The following ANO10 variants were observed in gnomAD, a reference collection of about 807,000 sequenced individuals.
ANO10 encodes anoctamin-10.
Under a neutral mutation model 74.7 loss-of-function variants are expected in ANO10, and 77 were observed. The ratio of observed to expected loss-of-function variants is 1.03; its 90% confidence interval spans 0.86 to 1.25. The LOEUF is 1.25. Ranked by LOEUF, ANO10 falls within the 50% of genes most tolerant of loss-of-function variation. The pLI is 0.00. For synonymous variants in ANO10, 279 were observed against 284.9 expected (o/e 0.98, Z 0.21); for missense variants, 721 against 778.1 (o/e 0.93, Z 0.87).
At chr3:43,684,912 C>G (rs1034015503) in intron 1 of ANO10, among the ~76,000 whole-genome samples, 1 of 152,098 alleles carries the variant, frequency 6.6e-6, no homozygotes. Context: ...AGGGGAACAT[C>G]ACACACCGGG....
chr3:43,384,729 G>A (rs949238314), intron 12 of ANO10, among the ~76,000 whole-genome samples: 4 of 152,190 alleles, frequency 2.6e-5, no homozygotes, highest in Non-Finnish European at 5.9e-5. Flanking sequence ...GTAGAAGAAT[G>A]AGACTGGATC....
chr3:43,377,431 G>T (rs529488674), intron 12 of ANO10, among the ~76,000 whole-genome samples: 1 of 152,170 alleles, frequency 6.6e-6, no homozygotes, highest in African/African-American at 2.4e-5. Context: ...CCTTGCCTGG[G>T]AGGAAGGGTG....
At chr3:43,671,089 G>A (rs2084053860) in intron 1 of ANO10, among the ~76,000 whole-genome samples, 1 of 152,120 alleles carries the variant, frequency 6.6e-6, no homozygotes, top group South Asian at 2.1e-4. Context: ...TTATATGATG[G>A]AAATAATATT....
intron 12 of ANO10, among the ~76,000 whole-genome samples, chr3:43,377,448 C>G (rs1384943609): frequency 6.6e-6 from 1 of 152,160 alleles, no homozygotes; most frequent in Non-Finnish European, 1.5e-5. Flanking sequence ...GGTGCCAAGT[C>G]CTTCAGGAAT....
In ANO10 at chr3:43,483,046, G is replaced by A. The variant is rs73081081; in HGVS notation, c.1798-50319C>T. Among the ~76,000 whole-genome samples the A allele has an allele frequency of 8.3e-3, 1,266 of 152,284 alleles. 7 individuals are homozygous for A. The highest frequency in any genetic ancestry group is 0.013 in the Non-Finnish European group (918 of 68,024). ...TGTCTCTTAAAAGATTCAATTTTTG[G>A]TCATGTTTAAGAATTAATGATATCT... On this transcript the variant is annotated intron_variant, in intron 11 of 12. Coordinates refer to ENST00000292246, the MANE Select transcript of ANO10 (RefSeq NM_018075.5).
chr3:43,454,879 G>A (rs1042838500), intron 11 of ANO10, among the ~76,000 whole-genome samples: 1 of 152,088 alleles, frequency 6.6e-6, no homozygotes, highest in African/African-American at 2.4e-5. Flanking sequence ...GTAAGGCCAG[G>A]GTAGAAGAAA....
chr3:43,492,078 GA>G (rs1448572144), intron 11 of ANO10, among the ~76,000 whole-genome samples: 1 of 152,084 alleles, frequency 6.6e-6, no homozygotes, highest in Non-Finnish European at 1.5e-5. Flanking sequence ...CAGAAAGGCT[GA>G]AAATTCCAAA....
chr3:43,642,384 T>G (rs990473579), intron 1 of ANO10, among the ~76,000 whole-genome samples: 3 of 152,328 alleles, frequency 2.0e-5, no homozygotes, highest in African/African-American at 7.2e-5. Flanking sequence ...AATTACTGAC[T>G]GAAATTTAAG....
intron 1 of ANO10, among the ~76,000 whole-genome samples, chr3:43,609,866 A>G (rs551692797): frequency 6.6e-6 from 1 of 152,332 alleles, no homozygotes; most frequent in South Asian, 2.1e-4. Context: ...CCATGAATGG[A>G]GCTTGCAGGA....
intron 11 of ANO10, among the ~76,000 whole-genome samples, chr3:43,470,393 G>A (rs990030462): frequency 2.0e-5 from 3 of 152,124 alleles, no homozygotes; most frequent in South Asian, 2.1e-4. Context: ...TCGTTCTGTC[G>A]CCCAGGCTGG....
chr3:43,448,154 C>T (rs904321005), intron 11 of ANO10, among the ~76,000 whole-genome samples: 1 of 152,190 alleles, frequency 6.6e-6, no homozygotes, highest in Non-Finnish European at 1.5e-5. Context: ...GCATCTTAAT[C>T]TTGGACTTCT....
chr3:43,565,924 C>T lies in ANO10; in HGVS notation c.1219-197G>A, dbSNP rs186527877. 5.8e-3 allele frequency among the ~76,000 whole-genome samples: 883 copies of T among 152,174 alleles called. 5 individuals are homozygous for T. The highest frequency in any genetic ancestry group is 0.018 in the African/African-American group (736 of 41,510). ...ATTTCTGCATTTACATCTGAGGTACCGGGTTCATCTCACTAGGGAGTGCCA... is the reference window on the plus strand; with the variant it reads ...ATTTCTGCATTTACATCTGAGGTACTGGGTTCATCTCACTAGGGAGTGCCA... On this transcript the variant is annotated intron_variant, in intron 7 of 12. Coordinates refer to ENST00000292246, the MANE Select transcript of ANO10 (RefSeq NM_018075.5).
Position 43,451,670 on chromosome 3 carries a change from A to AT in ANO10, c.1798-18944dup, listed in dbSNP as rs561320980. Among the ~76,000 whole-genome samples the AT allele has an allele frequency of 1.8e-3, 279 of 152,186 alleles. 3 individuals are homozygous for AT. Among genetic ancestry groups the AT allele is most frequent in the South Asian group, 0.016 (77 of 4,824 alleles). On this transcript the variant is annotated intron_variant, in intron 11 of 12. Coordinates refer to ENST00000292246, the MANE Select transcript of ANO10 (RefSeq NM_018075.5). ...GGATTTGCAAAAGAAATACAAGACA[A>AT]TTTTTTTGCACACAAGGTGCAATTT...
chr3:43,674,347 A>C (rs979340944), intron 1 of ANO10, among the ~76,000 whole-genome samples: 6 of 152,064 alleles, frequency 3.9e-5, no homozygotes, highest in African/African-American at 1.4e-4. Flanking sequence ...ATGAGGTCTC[A>C]CTATGTTGTC....
intron 1 of ANO10, among the ~76,000 whole-genome samples, chr3:43,654,709 G>A (rs114048964): frequency 0.027 from 4,097 of 152,292 alleles, 151 homozygotes; most frequent in Admixed American, 0.098. Context: ...CAAGAGAAGA[G>A]AAGTGGTCAT....
intron 1 of ANO10, among the ~76,000 whole-genome samples, chr3:43,670,506 G>C (rs1380347038): frequency 2.0e-5 from 3 of 151,980 alleles, no homozygotes; most frequent in East Asian, 1.9e-4. Flanking sequence ...TTCCAATTAG[G>C]GTGAAAAGTA....
chr3:43,508,429 C>A (rs912921326), intron 11 of ANO10, among the ~76,000 whole-genome samples: 1 of 152,200 alleles, frequency 6.6e-6, no homozygotes, highest in East Asian at 1.9e-4. Context: ...TTTGACCCAG[C>A]AATCCCATTA....
rs6799022 is a variant in ANO10, at chr3:43,622,001, G to A, written c.-104C>T. The stretch of plus-strand genomic sequence containing the variant: ...AAAGAGTGCTCGGTGCGGGGGGCGG[G>A]CCAGGCCAGTGGGGCGGGCGCCGCC... On this transcript the variant is annotated 5_prime_UTR_variant, in exon 1 of 13. Transcript: ENST00000292246. 9.4e-3 allele frequency: 1,429 copies of A among 152,776 alleles called. 18 individuals carry two copies. The highest frequency in any genetic ancestry group is 0.029 in the African/African-American group (1,206 of 41,566). 9.5% of individuals were successfully genotyped at this position (152,776 alleles called of 1,614,324 possible).
rs549153679 is a variant in ANO10 at position 43,600,093 on chromosome 3, C to T, written c.337+291G>A. Among the ~76,000 whole-genome samples, 17 of 152,238 alleles carry T rather than the reference C, an allele frequency of 1.1e-4. No homozygotes were observed. The East Asian group carries it at 3.3e-3, about 29-fold the overall frequency. Reference sequence around the variant, plus strand: ...ATGTGTTCCTCTAATTTGTGTTCATCCAGGGGAGGCAAAGGATGGCAACAG... The same window carrying T: ...ATGTGTTCCTCTAATTTGTGTTCATTCAGGGGAGGCAAAGGATGGCAACAG... On this transcript the variant is annotated intron_variant, in intron 3 of 12. Coordinates refer to ENST00000292246, the MANE Select transcript of ANO10 (RefSeq NM_018075.5).
Sources: allele counts gnomAD v4.1 joint callset (sites outside exome capture counted in the v4.1 genomes callset), GRCh38; gene constraint gnomAD v4.1.1; transcripts MANE v1.5; gene names NCBI Gene and HGNC (gene_info 2026-07-23, HGNC 2026-07-21).